Variants in COG6 observed in about 807,000 individuals in gnomAD.
COG6 encodes the protein component of oligomeric golgi complex 6.
In COG6, 74 loss-of-function variants were observed where a neutral mutation model predicts 88.8. The ratio of observed to expected loss-of-function variants is 0.83; its 90% CI spans 0.69 to 1.01. COG6 has a LOEUF of 1.01. Ranked by LOEUF, COG6 falls within the 50% of genes least tolerant of loss-of-function variation. COG6 has a pLI of 0.00. For synonymous variants in COG6, 286 were observed against 278.7 expected, an observed-to-expected ratio of 1.03 and a Z score of -0.26; for missense variants, 800 against 797.9, an observed-to-expected ratio of 1.00 and a Z score of -0.03.
chr13:39,711,194 T>C (rs1878220234), intron 13 of COG6, among the ~76,000 whole-genome samples: 2 of 152,166 alleles, frequency 1.3e-5, no homozygotes, highest in Admixed American at 1.3e-4. Flanking sequence ...AATTTCAATG[T>C]AGCAAAACAT....
At chr13:39,708,861 T>C (rs1473717359) in intron 13 of COG6, among the ~76,000 whole-genome samples, 1 of 152,168 alleles carries the variant, frequency 6.6e-6, no homozygotes, top group South Asian at 2.1e-4. Context: ...ATTTAATAAT[T>C]GGTTGTCTTA....
intron 4 of COG6, among the ~76,000 whole-genome samples, chr13:39,674,697 A>G (rs1180146608): frequency 6.6e-6 from 1 of 152,194 alleles, no homozygotes; most frequent in Non-Finnish European, 1.5e-5. Context: ...GCTTTAAATT[A>G]TGTACCATTT....
At chr13:39,677,133 G>T (rs1365029351) in intron 4 of COG6, among the ~76,000 whole-genome samples, 2 of 152,136 alleles carry the variant, frequency 1.3e-5, no homozygotes, top group Non-Finnish European at 2.9e-5. Context: ...TCTTATAAAA[G>T]CATCTAGCAA....
chr13:39,673,420 T>C (rs9548877), intron 4 of COG6, among the ~76,000 whole-genome samples: 100,397 of 151,916 alleles, frequency 0.66, 33,417 homozygotes, highest in Admixed American at 0.77. Flanking sequence ...TTTATCTCTA[T>C]TGAGTTTTAA....
chr13:39,765,797 C>T (rs770095934), intron 18 of COG6, among the ~76,000 whole-genome samples: 25 of 152,044 alleles, frequency 1.6e-4, no homozygotes, highest in Admixed American at 7.9e-4. Flanking sequence ...TTTTGGTGGT[C>T]GGCAAAGGAA....
intron 13 of COG6, among the ~76,000 whole-genome samples, chr13:39,716,006 G>T (rs1370486089): frequency 2.0e-5 from 3 of 151,928 alleles, no homozygotes; most frequent in Admixed American, 2.0e-4. Context: ...GTGAAGAAAA[G>T]ATCATATTCT....
downstream of COG6, among the ~76,000 whole-genome samples, chr13:39,757,139 T>C (rs1275226986): frequency 2.0e-5 from 3 of 152,168 alleles, no homozygotes; most frequent in East Asian, 5.8e-4. Flanking sequence ...ACAAAGTATG[T>C]TTTCAACCAC....
chr13:39,710,200 CACAT>C (rs1878161335), intron 13 of COG6, among the ~76,000 whole-genome samples: 2 of 152,118 alleles, frequency 1.3e-5, no homozygotes, highest in Admixed American at 1.3e-4. Flanking sequence ...TCAGGCCTTG[CACAT>C]CTTTGGTTAG....
chr13:39,660,663 C>A, intron 2 of COG6, 147 bp from the exon 3 acceptor site: 2 of 635,090 alleles, frequency 3.1e-6, no homozygotes, highest in South Asian at 1.8e-5. Context: ...TCTTTTTAAT[C>A]ATTTCCAATT....
chr13:39,676,272 C>T (rs1305029571), intron 4 of COG6, among the ~76,000 whole-genome samples: 1 of 151,890 alleles, frequency 6.6e-6, no homozygotes, highest in Non-Finnish European at 1.5e-5. Context: ...ACTATACGAC[C>T]CCAAGTTGTA....
At chr13:39,755,205 A>G (rs926664505), downstream of COG6, among the ~76,000 whole-genome samples, 2 of 152,180 alleles carry the variant, frequency 1.3e-5, no homozygotes, top group Admixed American at 6.5e-5. Flanking sequence ...AAAAAGCCAA[A>G]TGTTAGTAAT....
intron 14 of COG6, 99 bp from the exon 15 acceptor site, chr13:39,719,561 A>T: frequency 7.8e-7 from 1 of 1,278,162 alleles, no homozygotes; most frequent in Non-Finnish European, 1.1e-6. Flanking sequence ...TGCTTCTATA[A>T]ATTGGCTTCC....
At chr13:39,701,677 A>AAT (rs1352669960) in intron 13 of COG6, among the ~76,000 whole-genome samples, 1 of 151,968 alleles carries the variant, frequency 6.6e-6, no homozygotes, top group African/African-American at 2.4e-5. Context: ...TATCTTTGGC[A>AAT]ATATATATGT....
chr13:39,741,684 G>T (rs1193055930), intron 18 of COG6, among the ~76,000 whole-genome samples: 1 of 152,092 alleles, frequency 6.6e-6, no homozygotes, highest in Non-Finnish European at 1.5e-5. Flanking sequence ...CACTCTTCAG[G>T]ATGTTATCCA....
At position 39,788,450 on chromosome 13, in the gene COG6, T is replaced by G. The variant is rs1181354676; in HGVS notation, c.*94T>G. 2.9e-5 allele frequency: 36 copies of G among 1,245,044 alleles called. No homozygotes were observed. The Admixed American group carries it at 7.2e-4, about 25-fold the overall frequency. The allele number at this position is 1,245,044 out of a possible 1,614,324, so 77.1% of individuals were successfully genotyped here. A position where few individuals can be genotyped will look rare whatever the true frequency, so the allele number is the denominator to read the frequency against. The stretch of plus-strand genomic sequence containing the variant: ...AAAACTCTGCCTTGGGGACTGGCTA[T>G]AGAAATGTGGCCAGATGGCTTTGTC... On this transcript the variant is annotated 3_prime_UTR_variant, in exon 19 of 19. Transcript: ENST00000416691.
intron 8 of COG6, among the ~76,000 whole-genome samples, 168 bp from the exon 9 acceptor site, chr13:39,687,335 A>C (rs1214822459): frequency 2.0e-5 from 3 of 152,014 alleles, no homozygotes; most frequent in African/African-American, 4.8e-5. Flanking sequence ...AGCTGAAGTT[A>C]TCTCTTAAAT....
At chr13:39,666,991 C>T (rs1451169189) in intron 4 of COG6, among the ~76,000 whole-genome samples, 1 of 152,118 alleles carries the variant, frequency 6.6e-6, no homozygotes, top group Non-Finnish European at 1.5e-5. Context: ...CATTGAACCT[C>T]AGGGTTTCTT....
chr13:39,755,165 A>G (rs1330229873), downstream of COG6, among the ~76,000 whole-genome samples: 2 of 152,188 alleles, frequency 1.3e-5, no homozygotes, highest in Admixed American at 1.3e-4. Flanking sequence ...AAAAGATCAC[A>G]GTAACCTGAG....
chr13:39,773,871 C>CTTT (rs5803011), intron 18 of COG6, among the ~76,000 whole-genome samples: 59,380 of 144,564 alleles, frequency 0.41, 12,407 homozygotes, highest in Admixed American at 0.56. Context: ...GACATTTTTG[C>CTTT]TTTTTTTTTT....
Sources: gnomAD v4.1 joint callset for allele counts (sites outside exome capture counted in the v4.1 genomes callset) on GRCh38, gnomAD v4.1.1 for gene constraint, MANE v1.5 for transcripts, NCBI Gene and HGNC (gene_info 2026-07-23, HGNC 2026-07-21) for gene names.